Variants in MRC2 observed in about 807,000 individuals in gnomAD.
MRC2 encodes the protein C-type mannose receptor 2.
Under a neutral mutation model 206.2 loss-of-function variants are expected in MRC2, and 84 were observed. That is an observed-to-expected ratio of 0.41 (90% CI 0.34 to 0.49). The LOEUF (loss-of-function observed/expected upper bound fraction) is 0.49. Ranked by LOEUF, MRC2 falls within the 20% of genes least tolerant of loss-of-function variation. The pLI, the probability that MRC2 is intolerant of heterozygous loss-of-function variation, is 0.31. For synonymous variants in MRC2, 798 were observed against 800.0 expected, an observed-to-expected ratio of 1.00 and a Z score of 0.04; for missense variants, 1,676 against 2,001.5, an observed-to-expected ratio of 0.84 and a Z score of 3.10.
chr17:62,655,723 A>T (rs1429098556), intron 1 of MRC2, among the ~76,000 whole-genome samples: 1 of 21,700 alleles, frequency 4.6e-5, no homozygotes. Flanking sequence ...TGTCTCTTTA[A>T]AAAAAAAAAA....
intron 12 of MRC2, 147 bp from the exon 13 acceptor site, chr17:62,678,356 AG>A: frequency 9.0e-7 from 1 of 1,107,086 alleles, no homozygotes; most frequent in Non-Finnish European, 1.2e-6. Flanking sequence ...AGACCTCTGC[AG>A]ATGAACAGGA....
In MRC2 at chr17:62,675,755, T is replaced by C; in HGVS notation, c.1570-35T>C. The C allele has an allele frequency of 6.5e-7, 1 of 1,541,348 alleles. No homozygotes were observed. The highest frequency in any genetic ancestry group is 9.0e-7 in the Non-Finnish European group (1 of 1,114,262). Reference sequence around the variant, plus strand: ...GGTGAGGGTGGAGAGTCATCTTCCCTACAGACACCCCTCTTCTGTCCACTC... The same window carrying C: ...GGTGAGGGTGGAGAGTCATCTTCCCCACAGACACCCCTCTTCTGTCCACTC... On this transcript the variant is annotated intron_variant, in intron 9 of 29. Transcript: ENST00000303375. The surrounding 1 kb of genome is among the most constrained non-coding windows in gnomAD (Gnocchi z 4.1).
rs2088943185 is a variant in MRC2 at position 62,680,079 on chromosome 17, C to T, written c.2299-91C>T. 2 of 1,574,550 alleles carry T rather than the reference C, an allele frequency of 1.3e-6. No individual in the cohort carries two copies. The highest frequency in any genetic ancestry group is 4.5e-5 in the East Asian group (2 of 44,468). ...CGGCCCCCGGTGAGAATTCGCAGCT[C>T]AGGCCAGGCCTCTTGTTCACCTGTT... On this transcript the variant is annotated intron_variant, in intron 14 of 29. Coordinates refer to ENST00000303375, the MANE Select transcript of MRC2 (RefSeq NM_006039.5). This position sits in a 1 kb window ranked among gnomAD's most constrained non-coding sequence, Gnocchi z 4.8.
Position 62,677,318 on chromosome 17 carries a change from G to T in MRC2, c.1884G>T (p.Gly628=). ...CGCTGGCCACTGGCAGCGCCATGGG[G>T]CTGTGGGAGGTGAAGAACTGTACCT... ...CVALATGSAM[G]LWEVKNCTSF... is the part of the protein sequence containing the mutation. Residue 628 remains glycine (G), a synonymous_variant, in exon 12 of 30, where the codon GGG becomes GGT. Coordinates refer to ENST00000303375, the MANE Select transcript of MRC2 (RefSeq NM_006039.5). The T allele has an allele frequency of 6.2e-7, 1 of 1,607,688 alleles. No homozygotes were observed. Among genetic ancestry groups the T allele is most frequent in the Non-Finnish European group, 8.5e-7 (1 of 1,177,838 alleles).
At chr17:62,679,482 C>T (rs1353925577) in intron 13 of MRC2, 2 of 204,026 alleles carry the variant, frequency 9.8e-6, no homozygotes, top group Non-Finnish European at 2.0e-5. Context: ...TCTGAACTTC[C>T]TAAACTCCGT....
rs1446597477 is a variant in MRC2, at chr17:62,634,826, A to G, written c.118+6906A>G. Among the ~76,000 whole-genome samples, 5 of 149,260 alleles carry G rather than the reference A, an allele frequency of 3.3e-5. No individual in the cohort carries two copies. The South Asian group carries it at 1.1e-3, about 32-fold the overall frequency. On this transcript the variant is annotated intron_variant, in intron 1 of 29. Transcript: ENST00000303375. ...TTGCTCTGGTTTGAACACCTCTGATACAACTTTTTTTTTTTTTTTTTTAGG... is the reference window on the plus strand; with the variant it reads ...TTGCTCTGGTTTGAACACCTCTGATGCAACTTTTTTTTTTTTTTTTTTAGG...
chr17:62,628,609 C>T (rs1016138682), intron 1 of MRC2, among the ~76,000 whole-genome samples: 6 of 152,142 alleles, frequency 3.9e-5, no homozygotes, highest in African/African-American at 7.2e-5. Flanking sequence ...CACTAGTGGC[C>T]CTCCAGAGGG....
At chr17:62,637,671 T>C (rs1287117174) in intron 1 of MRC2, among the ~76,000 whole-genome samples, 1 of 152,158 alleles carries the variant, frequency 6.6e-6, no homozygotes, top group Non-Finnish European at 1.5e-5. Context: ...TTTTTTTCCC[T>C]GCCAGGAGCA....
chr17:62,632,599 C>G (rs1249684488), intron 1 of MRC2, among the ~76,000 whole-genome samples: 1 of 152,194 alleles, frequency 6.6e-6, no homozygotes, highest in East Asian at 1.9e-4. Context: ...ATCACTTTGC[C>G]TGGTGTGCCT....
Position 62,675,910 on chromosome 17 carries a change from A to G in MRC2, c.1685+5A>G. On this transcript the variant is annotated splice_donor_5th_base_variant and intron_variant, in intron 10 of 29. Transcript: ENST00000303375. This position sits in a 1 kb window ranked among gnomAD's most constrained non-coding sequence, Gnocchi z 4.1. ...GCTGGTCACCATCACCAACAGGTAC[A>G]GCAGGGGCGGGTGCCCTGACTAGCC... The G allele has an allele frequency of 6.2e-7, 1 of 1,613,458 alleles. No homozygotes were observed. The highest frequency in any genetic ancestry group is 8.5e-7 in the Non-Finnish European group (1 of 1,179,470).
intron 1 of MRC2, 151 bp downstream of exon 1, chr17:62,628,071 C>G: frequency 3.8e-6 from 2 of 524,560 alleles, no homozygotes; most frequent in Admixed American, 8.9e-5. Flanking sequence ...AACTCGTCTC[C>G]GCTTTTCTGA....
In MRC2 at chr17:62,692,583, G is replaced by C. The variant is rs141743789; in HGVS notation, c.*132G>C. On this transcript the variant is annotated 3_prime_UTR_variant, in exon 30 of 30. Transcript: ENST00000303375. This position sits in a 1 kb window ranked among gnomAD's most constrained non-coding sequence, Gnocchi z 4.2. ...CCCTTGGGAGTCGCTGTTGGGAGCCGGAGCTGGGCAGAGCCTGGGCTGGTG... is the reference window on the plus strand; with the variant it reads ...CCCTTGGGAGTCGCTGTTGGGAGCCCGAGCTGGGCAGAGCCTGGGCTGGTG... The C allele has an allele frequency of 2.1e-6, 2 of 947,326 alleles. No homozygotes were observed. The highest frequency in any genetic ancestry group is 3.1e-6 in the Non-Finnish European group (2 of 641,252). 58.7% of individuals were successfully genotyped at this position (947,326 alleles called of 1,614,324 possible).
intron 20 of MRC2, among the ~76,000 whole-genome samples, chr17:62,683,262 A>G (rs1459930939): frequency 1.3e-5 from 2 of 150,422 alleles, no homozygotes; most frequent in Non-Finnish European, 2.9e-5. Flanking sequence ...TGAGATTAGG[A>G]GTTCGAGACC....
At chr17:62,682,206 G>T (rs1307147382) in intron 19 of MRC2, 29 bp from the exon 20 acceptor site, 2 of 1,536,664 alleles carry the variant, frequency 1.3e-6, no homozygotes, top group East Asian at 2.4e-5. Context: ...TGCCCTGGGG[G>T]TGACTGCCCT....
chr17:62,669,899 G>A (rs984231157), intron 6 of MRC2, among the ~76,000 whole-genome samples: 1 of 152,182 alleles, frequency 6.6e-6, no homozygotes, highest in Non-Finnish European at 1.5e-5. Flanking sequence ...ATTCCGTAAG[G>A]GGCCAGGAGC....
chr17:62,638,871 A>G (rs1376956688), intron 1 of MRC2, among the ~76,000 whole-genome samples: 1 of 151,480 alleles, frequency 6.6e-6, no homozygotes, highest in African/African-American at 2.4e-5. Context: ...GTGAGCTGAG[A>G]TCGTGCCACT....
In MRC2 at chr17:62,677,603, G is replaced by A. The variant is rs945406072; in HGVS notation, c.2052+117G>A. The A allele has an allele frequency of 5.8e-6, 5 of 860,700 alleles. No homozygotes were observed. In the African/African-American group the frequency reaches 8.5e-5, roughly 15 times the overall value. The allele number at this position is 860,700 out of a possible 1,614,324, so 53.3% of individuals were successfully genotyped here. ...CCAGAGACACACCAGGCTGCAGACG[G>A]GTGATTTCTGGTGAGACTTGTCCAT... On this transcript the variant is annotated intron_variant, in intron 12 of 29. Coordinates refer to ENST00000303375, the MANE Select transcript of MRC2 (RefSeq NM_006039.5).
At chr17:62,684,438 G>A (rs1351241621) in intron 20 of MRC2, among the ~76,000 whole-genome samples, 2 of 152,186 alleles carry the variant, frequency 1.3e-5, no homozygotes, top group Non-Finnish European at 2.9e-5. Flanking sequence ...TGTTTTGAGT[G>A]TGCAGGTAGG....
At chr17:62,650,804 C>T (rs2147448374) in intron 1 of MRC2, among the ~76,000 whole-genome samples, 1 of 152,254 alleles carries the variant, frequency 6.6e-6, no homozygotes, top group Middle Eastern at 3.4e-3. Flanking sequence ...GGGGGCAGGC[C>T]TGGTTCATGC....
Sources: gnomAD v4.1 joint callset for allele counts (sites outside exome capture counted in the v4.1 genomes callset) on GRCh38, gnomAD v4.1.1 for gene constraint, Gnocchi (gnomAD v3.1) non-coding constraint, MANE v1.5 for transcripts, NCBI Gene and HGNC (gene_info 2026-07-23, HGNC 2026-07-21) for gene names.